Variants in PTRH2 observed in about 807,000 individuals in gnomAD.
The protein encoded by PTRH2 is peptidyl-tRNA hydrolase 2.
In PTRH2, 10 loss-of-function variants were observed where a neutral mutation model predicts 12.3. The ratio of observed to expected loss-of-function variants is 0.81; its 90% CI spans 0.50 to 1.38. The LOEUF (loss-of-function observed/expected upper bound fraction) is 1.38. Ranked by LOEUF, PTRH2 falls within the 40% of genes most tolerant of loss-of-function variation. PTRH2 has a pLI of 0.00. For missense variants in PTRH2, 176 were observed against 214.1 expected (o/e 0.82, Z 1.11); for synonymous variants, 73 against 77.4 (o/e 0.94, Z 0.30).
At chr17:59,698,811 A>C in intron 1 of PTRH2, 1 of 703,898 alleles carries the variant, frequency 1.4e-6, no homozygotes, top group South Asian at 1.5e-5. Flanking sequence ...ATAGTGTTGA[A>C]TATCTCCTGT....
At chr17:59,700,154 C>T (rs572123930) in intron 1 of PTRH2, 1 of 152,298 alleles carries the variant, frequency 6.6e-6, no homozygotes, top group East Asian at 1.9e-4. Context: ...AATCCTAAGT[C>T]GGAGACTGTC....
At chr17:59,703,229 G>T (rs563340021) in intron 1 of PTRH2, among the ~76,000 whole-genome samples, 1 of 151,584 alleles carries the variant, frequency 6.6e-6, no homozygotes, top group Non-Finnish European at 1.5e-5. Context: ...TCATTATGTT[G>T]CCCAGGCTGG....
intron 1 of PTRH2, among the ~76,000 whole-genome samples, chr17:59,703,805 C>A (rs923436182): frequency 3.3e-5 from 5 of 149,792 alleles, no homozygotes; most frequent in African/African-American, 1.2e-4. Flanking sequence ...CATGCCCTGC[C>A]GAGCCCTTGT....
chr17:59,699,982 G>C (rs1332111981), intron 1 of PTRH2: 2 of 152,300 alleles, frequency 1.3e-5, no homozygotes, highest in Non-Finnish European at 2.9e-5. Flanking sequence ...TGATTCCCGT[G>C]ATCACATGGG....
Position 59,698,916 on chromosome 17 carries a change from G to C in PTRH2, c.1-938C>G, listed in dbSNP as rs150833538. The C allele has an allele frequency of 1.5e-4, 106 of 716,060 alleles. 1 individual carries two copies. The African/African-American group carries it at 1.7e-3, about 12-fold the overall frequency. 44.4% of individuals were successfully genotyped at this position (716,060 alleles called of 1,614,324 possible). ...AGCACAGTGGTCCTGAAAAATGTTT[G>C]AAGCACTGAAATAGAATTAATTGCT... On this transcript the variant is annotated intron_variant, in intron 1 of 1. Transcript: ENST00000393038.
At chr17:59,704,707 C>T (rs777855795) in intron 1 of PTRH2, among the ~76,000 whole-genome samples, 59 of 152,162 alleles carry the variant, frequency 3.9e-4, no homozygotes, top group Admixed American at 2.2e-3. Flanking sequence ...TGCCTAAATA[C>T]GGTGACAGGG....
At chr17:59,705,494 G>C (rs946072259) in intron 1 of PTRH2, among the ~76,000 whole-genome samples, 1 of 151,982 alleles carries the variant, frequency 6.6e-6, no homozygotes, top group African/African-American at 2.4e-5. Flanking sequence ...ATCATAGCTC[G>C]CTACAGCCTC....
At chr17:59,698,777 C>T (rs1432643371) in intron 1 of PTRH2, 2 of 670,058 alleles carry the variant, frequency 3.0e-6, no homozygotes, top group African/African-American at 3.6e-5. Flanking sequence ...GGACAAAAAT[C>T]ATCTAACACG....
intron 1 of PTRH2, chr17:59,700,775 T>C (rs769721163): frequency 6.6e-6 from 1 of 152,102 alleles, no homozygotes; most frequent in African/African-American, 2.4e-5. Context: ...AAAGACTTTA[T>C]AAAGGGATGT....
intron 1 of PTRH2, among the ~76,000 whole-genome samples, chr17:59,701,859 A>ATTTTTTTTTTTTT (rs999977067): frequency 7.5e-6 from 1 of 134,126 alleles, no homozygotes; most frequent in African/African-American, 2.8e-5. Flanking sequence ...CACCCGGCTA[A>ATTTTTTTTTTTTT]TTTTTTTTTT....
intron 1 of PTRH2, among the ~76,000 whole-genome samples, chr17:59,706,651 A>C (rs1436700166): frequency 1.4e-5 from 2 of 144,216 alleles, no homozygotes; most frequent in African/African-American, 5.3e-5. Flanking sequence ...TCTTTGTGTG[A>C]AAAAGGGGGG....
chr17:59,698,208 G>A, intron 1 of PTRH2: 1 of 534,194 alleles, frequency 1.9e-6, no homozygotes, highest in Non-Finnish European at 3.3e-6. Flanking sequence ...TTTGAATCTT[G>A]ATGTAAACGA....
chr17:59,702,566 T>C (rs1340925005), intron 1 of PTRH2, among the ~76,000 whole-genome samples: 1 of 152,206 alleles, frequency 6.6e-6, no homozygotes, highest in Admixed American at 6.5e-5. Flanking sequence ...TTCTAAAAGA[T>C]ACCTGAGCCT....
intron 1 of PTRH2, among the ~76,000 whole-genome samples, chr17:59,705,951 G>T (rs1227883247): frequency 6.6e-6 from 1 of 150,594 alleles, no homozygotes; most frequent in Non-Finnish European, 1.5e-5. Context: ...ACAGGACAGT[G>T]AAAGTTCCAA....
At chr17:59,705,598 T>A (rs1207376128) in intron 1 of PTRH2, among the ~76,000 whole-genome samples, 4 of 152,132 alleles carry the variant, frequency 2.6e-5, no homozygotes, top group Non-Finnish European at 5.9e-5. Context: ...TTTTTAAAAA[T>A]TTTTTATTTT....
intron 1 of PTRH2, among the ~76,000 whole-genome samples, chr17:59,706,108 CAT>C (rs977516992): frequency 3.3e-5 from 5 of 152,198 alleles, no homozygotes; most frequent in Non-Finnish European, 7.3e-5. Flanking sequence ...TCTAAAACAA[CAT>C]GTCTGTCTCT....
intron 1 of PTRH2, chr17:59,698,525 A>C (rs188561721): frequency 2.3e-4 from 56 of 240,544 alleles, no homozygotes; most frequent in African/African-American, 1.2e-3. Flanking sequence ...ACGTGAGTGC[A>C]GCTGAAAAAC....
intron 1 of PTRH2, among the ~76,000 whole-genome samples, chr17:59,702,500 C>G (rs1380376735): frequency 6.6e-6 from 1 of 152,126 alleles, no homozygotes; most frequent in East Asian, 1.9e-4. Flanking sequence ...ACTCAGTTGC[C>G]CACCACTCAC....
rs1203988996 is a variant in PTRH2, at chr17:59,697,654, C to G, written c.325G>C (p.Glu109Gln). The G allele has an allele frequency of 4.3e-6, 7 of 1,614,170 alleles. No individual in the cohort carries two copies. The highest frequency in any genetic ancestry group is 5.9e-6 in the Non-Finnish European group (7 of 1,180,032). ...RRNPEMLKQW[E>Q]YCGQPKVVVK... ...ACCACCTTGGGCTGGCCACAGTATT[C>G]CCATTGTTTGAGCATTTCAGGATTT... The change falls in exon 2 of 2, where the codon GAA becomes CAA. Residue 109 changes from glutamate (E) to glutamine (Q), a missense_variant. Glu to Gln is a conservative substitution (Grantham distance 29). Transcript: ENST00000393038.
Sources: allele counts gnomAD v4.1 joint callset (sites outside exome capture counted in the v4.1 genomes callset), GRCh38; gene constraint gnomAD v4.1.1; transcripts MANE v1.5; gene names NCBI Gene and HGNC (gene_info 2026-07-23, HGNC 2026-07-21).